The following ASF1B variants were observed in gnomAD, a reference collection of about 807,000 sequenced individuals.
ASF1B encodes the protein anti-silencing function 1B histone chaperone, also known as histone chaperone ASF1B.
Under a neutral mutation model 16.6 loss-of-function variants are expected in ASF1B, and 10 were observed. The ratio of observed to expected loss-of-function variants is 0.60; its 90% CI spans 0.37 to 1.02. ASF1B has a LOEUF of 1.02. Among genes scored for constraint, ASF1B ranks in the 50% least tolerant of loss-of-function variants. ASF1B has a pLI of 0.01. For missense variants in ASF1B, 240 were observed against 266.0 expected, an observed-to-expected ratio of 0.90 and a Z score of 0.68; for synonymous variants, 101 against 106.2, an observed-to-expected ratio of 0.95 and a Z score of 0.30.
intron 1 of ASF1B, among the ~76,000 whole-genome samples, chr19:14,134,859 A>AC (rs918559832): frequency 6.8e-6 from 1 of 147,254 alleles, no homozygotes; most frequent in African/African-American, 2.5e-5. Flanking sequence ...CAATCCACCC[A>AC]CCCCCCAGAC....
At chr19:14,131,158 G>GCT (rs1967398182) in intron 1 of ASF1B, among the ~76,000 whole-genome samples, 3 of 151,164 alleles carry the variant, frequency 2.0e-5, no homozygotes, top group Admixed American at 2.0e-4. Flanking sequence ...GATTACAGGG[G>GCT]TAAGCCACTG....
At chr19:14,133,457 C>G (rs1017685811) in intron 1 of ASF1B, among the ~76,000 whole-genome samples, 5 of 152,030 alleles carry the variant, frequency 3.3e-5, no homozygotes, top group Admixed American at 6.6e-5. Flanking sequence ...CACCTGAGGT[C>G]AGGAGTTCAA....
At chr19:14,130,372 T>G (rs1967383513) in intron 1 of ASF1B, among the ~76,000 whole-genome samples, 1 of 151,974 alleles carries the variant, frequency 6.6e-6, no homozygotes, top group Non-Finnish European at 1.5e-5. Context: ...AGAATCATCT[T>G]AAATTTGCTG....
chr19:14,126,848 CT>C (rs1967326077), intron 1 of ASF1B, among the ~76,000 whole-genome samples: 1 of 152,200 alleles, frequency 6.6e-6, no homozygotes, highest in Admixed American at 6.5e-5. Context: ...TTCAAGTGAT[CT>C]GCCCGCCTCA....
chr19:14,119,999 C>T lies in ASF1B; in HGVS notation c.*460G>A, dbSNP rs1399466131. The stretch of plus-strand genomic sequence containing the variant: ...TAAGTCTACCTACTAACTAACATTC[C>T]CGCCTGTGACACCAGAAAGCTGGAG... On this transcript the variant is annotated 3_prime_UTR_variant, in exon 4 of 4. Transcript: ENST00000263382. 6.4e-6 allele frequency: 1 copy of T among 156,674 alleles called. No individual in the cohort carries two copies. Among genetic ancestry groups the T allele is most frequent in the Non-Finnish European group, 1.4e-5 (1 of 70,930 alleles). The allele number at this position is 156,674 out of a possible 1,614,324, so 9.7% of individuals were successfully genotyped here.
intron 1 of ASF1B, among the ~76,000 whole-genome samples, chr19:14,126,698 C>T (rs1967323814): frequency 6.6e-6 from 1 of 152,158 alleles, no homozygotes; most frequent in Non-Finnish European, 1.5e-5. Flanking sequence ...TTTAGAACTC[C>T]TGACCTCAGG....
At chr19:14,129,474 C>A (rs59092761) in intron 1 of ASF1B, among the ~76,000 whole-genome samples, 2,035 of 151,520 alleles carry the variant, frequency 0.013, 45 homozygotes, top group African/African-American at 0.046. Flanking sequence ...CTCACGAGTT[C>A]GAGACCAACC....
At chr19:14,126,802 T>C (rs1322821874) in intron 1 of ASF1B, among the ~76,000 whole-genome samples, 2 of 152,204 alleles carry the variant, frequency 1.3e-5, no homozygotes, top group African/African-American at 2.4e-5. Flanking sequence ...AGATGGGGTT[T>C]CACCATGTTG....
At chr19:14,135,139 G>C (rs556583197) in intron 1 of ASF1B, among the ~76,000 whole-genome samples, 1 of 149,970 alleles carries the variant, frequency 6.7e-6, no homozygotes. Flanking sequence ...CAGAAGAATC[G>C]CTTGAACTCG....
At chr19:14,131,461 G>A (rs1967403620) in intron 1 of ASF1B, among the ~76,000 whole-genome samples, 1 of 151,060 alleles carries the variant, frequency 6.6e-6, no homozygotes, top group Non-Finnish European at 1.5e-5. Context: ...GATTACAGGT[G>A]TGAGCCACCA....
At chr19:14,123,176 A>T (rs1281654900) in intron 2 of ASF1B, among the ~76,000 whole-genome samples, 1 of 152,268 alleles carries the variant, frequency 6.6e-6, no homozygotes, top group East Asian at 1.9e-4. Flanking sequence ...CCTGGGTTGC[A>T]CACCCAGGAG....
intron 1 of ASF1B, among the ~76,000 whole-genome samples, chr19:14,130,787 G>GTGTATATATA (rs141600762): frequency 1.1e-3 from 156 of 142,466 alleles, no homozygotes; most frequent in African/African-American, 3.5e-3. Context: ...GTGTTTGTGT[G>GTGTATATATA]TATATATATA....
chr19:14,132,549 T>G (rs114157941), intron 1 of ASF1B, among the ~76,000 whole-genome samples: 1 of 152,212 alleles, frequency 6.6e-6, no homozygotes, highest in African/African-American at 2.4e-5. Context: ...GCCAGGCGCT[T>G]AGGATTCAAA....
rs549023648 is a variant in ASF1B at position 14,129,678 on chromosome 19, C to CAAAAAA, written c.110-3447_110-3442dup. On this transcript the variant is annotated intron_variant, in intron 1 of 3. Coordinates refer to ENST00000263382, the MANE Select transcript of ASF1B (RefSeq NM_018154.3). ...CCTGGGCAACAGAGCCAGCCTCCGT[C>CAAAAAA]AAAAAAAAAAAAAAAAAAAAAAAAA... is the stretch of plus-strand genomic sequence containing the variant. 2.5e-3 allele frequency among the ~76,000 whole-genome samples: 85 copies of CAAAAAA among 34,612 alleles called. 2 individuals are homozygous for CAAAAAA. The highest frequency in any genetic ancestry group is 2.9e-3 in the Non-Finnish European group (61 of 20,984). 22.7% of individuals were successfully genotyped at this position (34,612 alleles called of 152,430 possible). A position where few individuals can be genotyped will look rare whatever the true frequency, so the allele number is the denominator to read the frequency against.
At chr19:14,129,929 C>T (rs1004716526) in intron 1 of ASF1B, among the ~76,000 whole-genome samples, 1 of 149,248 alleles carries the variant, frequency 6.7e-6, no homozygotes, top group African/African-American at 2.5e-5. Context: ...CTCAGCTACT[C>T]GGGAGGCTGA....
chr19:14,121,508 G>A, intron 3 of ASF1B, 24 bp downstream of exon 3: 2 of 1,607,844 alleles, frequency 1.2e-6, no homozygotes, highest in Non-Finnish European at 1.7e-6. Context: ...CTTGTGGGAA[G>A]CAGGAAGTGG....
At chr19:14,127,629 G>T (rs1217369539) in intron 1 of ASF1B, among the ~76,000 whole-genome samples, 3 of 150,460 alleles carry the variant, frequency 2.0e-5, no homozygotes, top group African/African-American at 7.5e-5. Flanking sequence ...TGGCATCCCG[G>T]GGTGATCCTC....
intron 2 of ASF1B, among the ~76,000 whole-genome samples, chr19:14,124,439 G>A (rs903650896): frequency 1.5e-4 from 23 of 152,132 alleles, no homozygotes; most frequent in African/African-American, 4.3e-4. Flanking sequence ...CACCACACCC[G>A]GCCAGAATCT....
intron 1 of ASF1B, among the ~76,000 whole-genome samples, chr19:14,135,468 A>AGG (rs1384872460): frequency 1.3e-5 from 2 of 152,132 alleles, no homozygotes; most frequent in South Asian, 4.2e-4. Context: ...GCTCAAGCAT[A>AGG]GGGGGGTTGG....
Sources: gnomAD v4.1 joint callset for allele counts (sites outside exome capture counted in the v4.1 genomes callset) on GRCh38, gnomAD v4.1.1 for gene constraint, MANE v1.5 for transcripts, NCBI Gene and HGNC (gene_info 2026-07-23, HGNC 2026-07-21) for gene names.